Variants in DPP6 observed in about 807,000 individuals in gnomAD.
The protein encoded by DPP6 is A-type potassium channel modulatory protein DPP6.
A neutral mutation model predicts 122.6 loss-of-function variants in DPP6; 69 were observed. That is an observed-to-expected ratio of 0.56 (90% CI 0.46 to 0.69). The LOEUF (loss-of-function observed/expected upper bound fraction) is 0.69, where lower values mean the gene tolerates loss of function less well. Among genes scored for constraint, DPP6 ranks in the 30% least tolerant of loss-of-function variants. The pLI is 0.00. For synonymous variants in DPP6, 418 were observed against 433.1 expected (o/e 0.97, Z 0.43); for missense variants, 928 against 1,116.9 (o/e 0.83, Z 2.41).
At chr7:154,011,706 C>T (rs28560146) in intron 1 of DPP6, among the ~76,000 whole-genome samples, 9,486 of 152,152 alleles carry the variant, frequency 0.062, 974 homozygotes, top group African/African-American at 0.21. Context: ...ACAAAAAAAG[C>T]GAGTTTTTAA....
chr7:154,125,595 G>T (rs775375855), intron 1 of DPP6, among the ~76,000 whole-genome samples: 8 of 152,190 alleles, frequency 5.3e-5, no homozygotes, highest in African/African-American at 1.9e-4. Flanking sequence ...CCCATCGGTA[G>T]GGCACAGGCT....
chr7:153,957,465 C>G (rs1193695353), intron 1 of DPP6, among the ~76,000 whole-genome samples: 2 of 152,142 alleles, frequency 1.3e-5, no homozygotes, highest in African/African-American at 4.8e-5. Context: ...TTGAATAAAC[C>G]TAAGTTAGTC....
At chr7:154,135,649 G>GC (rs953064228) in intron 1 of DPP6, among the ~76,000 whole-genome samples, 7 of 150,308 alleles carry the variant, frequency 4.7e-5, no homozygotes, top group Non-Finnish European at 1.0e-4. Flanking sequence ...CTTCCCATGA[G>GC]CCCCCCTTCC....
rs868860822 is a variant in DPP6, at chr7:154,241,185, A to G, written c.243+188122A>G. On this transcript the variant is annotated intron_variant, in intron 1 of 25. Transcript: ENST00000377770. This position sits in a 1 kb window ranked among gnomAD's most constrained non-coding sequence, Gnocchi z 9.0. ...GCACAGTAGGTAATTCAATATCAAT[A>G]TGTGTGTGTGTGTGTGTGTGTGTGT... 5.6e-3 allele frequency among the ~76,000 whole-genome samples: 761 copies of G among 136,284 alleles called. 2 individuals carry two copies. The highest frequency in any genetic ancestry group is 7.8e-3 in the Non-Finnish European group (498 of 63,982). The allele number at this position is 136,284 out of a possible 152,430, so 89.4% of individuals were successfully genotyped here.
chr7:154,345,261 C>T (rs10234516), intron 1 of DPP6, among the ~76,000 whole-genome samples: 10,959 of 152,180 alleles, frequency 0.072, 1,218 homozygotes, highest in African/African-American at 0.24. Context: ...GCACTAATCC[C>T]ATGGTGAGGG....
chr7:154,572,535 T>TTTTTTTTTTTTTTC, intron 5 of DPP6, among the ~76,000 whole-genome samples: 1 of 121,806 alleles, frequency 8.2e-6, no homozygotes, highest in Non-Finnish European at 1.7e-5. Flanking sequence ...TTTTTTTTTT[T>TTTTTTTTTTTTTTC]TGGTGGTGTC....
chr7:154,542,266 G>A (rs1231122806), intron 4 of DPP6, among the ~76,000 whole-genome samples: 1 of 151,992 alleles, frequency 6.6e-6, no homozygotes, highest in African/African-American at 2.4e-5. Flanking sequence ...AATCATCTTT[G>A]GTAGAATTAC....
chr7:154,806,911 G>C, intron 15 of DPP6, 83 bp from the exon 16 acceptor site: 2 of 1,557,562 alleles, frequency 1.3e-6, no homozygotes, highest in Admixed American at 1.7e-5. Context: ...CCCTCATGGG[G>C]AGAGCCCACC....
At chr7:153,762,974 T>A in the DPP6 span, among the ~76,000 whole-genome samples, 5 of 152,016 alleles carry the variant, frequency 3.3e-5, no homozygotes. Context: ...GAGATTACAA[T>A]GAGAATTTGA....
intron 4 of DPP6, among the ~76,000 whole-genome samples, chr7:154,546,037 C>T (rs2130320242): frequency 6.6e-6 from 1 of 152,162 alleles, no homozygotes; most frequent in Non-Finnish European, 1.5e-5. Flanking sequence ...GGGAATGCTT[C>T]TGTACAAAGT....
chr7:154,171,372 G>C (rs185556290), intron 1 of DPP6, among the ~76,000 whole-genome samples: 139 of 152,256 alleles, frequency 9.1e-4, no homozygotes, highest in Non-Finnish European at 1.3e-3. Context: ...TACACGTCTC[G>C]ACAACTGCAT....
rs578098954 is a variant in DPP6 at position 154,826,722 on chromosome 7, A to G, written c.1666+19610A>G. ...CTCCTTACAAAGTGCTTTCTTCAGG[A>G]AATGTGGGACCAAAGAGGCCTGCAG... On this transcript the variant is annotated intron_variant, in intron 16 of 25. Coordinates refer to ENST00000377770, the MANE Select transcript of DPP6 (RefSeq NM_130797.4). Among the ~76,000 whole-genome samples the G allele has an allele frequency of 1.6e-4, 25 of 152,344 alleles. No individual in the cohort carries two copies. The South Asian group carries it at 4.6e-3, about 28-fold the overall frequency.
At chr7:154,491,638 A>G (rs1041380192) in intron 3 of DPP6, among the ~76,000 whole-genome samples, 1 of 152,152 alleles carries the variant, frequency 6.6e-6, no homozygotes, top group Non-Finnish European at 1.5e-5. Flanking sequence ...ACCTTATCCC[A>G]TCGCCATCCA....
intron 3 of DPP6, among the ~76,000 whole-genome samples, chr7:154,501,600 G>A (rs1187947080): frequency 1.3e-5 from 2 of 152,248 alleles, no homozygotes; most frequent in East Asian, 3.9e-4. Flanking sequence ...TGAGCCTGTG[G>A]GTGCACAGAA....
upstream of DPP6, among the ~76,000 whole-genome samples, chr7:154,050,823 C>T (rs554975144): frequency 3.6e-5 from 5 of 139,020 alleles, no homozygotes; most frequent in South Asian, 7.1e-4. Flanking sequence ...ACTCATGTTT[C>T]TTCATAGTAA....
chr7:154,866,976 A>G (rs1212015760), intron 17 of DPP6, among the ~76,000 whole-genome samples: 1 of 146,524 alleles, frequency 6.8e-6, no homozygotes, highest in African/African-American at 2.5e-5. Context: ...GCCCACCTGC[A>G]GAGCAGCTTT....
chr7:154,764,425 G>A (rs1304567652), intron 8 of DPP6, among the ~76,000 whole-genome samples: 1 of 152,168 alleles, frequency 6.6e-6, no homozygotes, highest in Non-Finnish European at 1.5e-5. Context: ...AAAGGCGGAA[G>A]ACAGGTGTCA....
At chr7:154,123,962 C>A (rs1451771504) in intron 1 of DPP6, among the ~76,000 whole-genome samples, 5 of 151,782 alleles carry the variant, frequency 3.3e-5, no homozygotes, top group African/African-American at 1.2e-4. Flanking sequence ...GACGTGCCAC[C>A]CACTCACTAT....
chr7:153,994,475 A>C (rs1797336441), intron 1 of DPP6, among the ~76,000 whole-genome samples: 1 of 151,980 alleles, frequency 6.6e-6, no homozygotes, highest in Non-Finnish European at 1.5e-5. Flanking sequence ...GTCTGTGATA[A>C]CCTTTGTGCC....
Sources: gnomAD v4.1 joint callset for allele counts (sites outside exome capture counted in the v4.1 genomes callset) on GRCh38, gnomAD v4.1.1 for gene constraint, Gnocchi (gnomAD v3.1) non-coding constraint, MANE v1.5 for transcripts, NCBI Gene and HGNC (gene_info 2026-07-23, HGNC 2026-07-21) for gene names.